ZNF180: variants seen among roughly 807,000 people sequenced by gnomAD.
The protein encoded by ZNF180 is zinc finger protein 180 (HHZ168).
Under a neutral mutation model 11.8 loss-of-function variants are expected in ZNF180, and 11 were observed. The observed-to-expected ratio is 0.93, with a 90% CI of 0.59 to 1.55. The LOEUF (loss-of-function observed/expected upper bound fraction) is 1.55. Among genes scored for constraint, ZNF180 ranks in the 40% most tolerant of loss-of-function variants. The probability of loss-of-function intolerance (pLI) is 0.00; values close to 1 mark genes in which losing one functional copy is unlikely to be tolerated. For synonymous variants in ZNF180, 287 were observed against 257.7 expected (o/e 1.11, Z -1.09); for missense variants, 773 against 781.7 (o/e 0.99, Z 0.13).
rs780167417 is a variant in ZNF180 at position 44,500,229 on chromosome 19, G to A, written c.-44+46C>T. 2.4e-5 allele frequency: 39 copies of A among 1,614,048 alleles called. 1 individual carries two copies. In the South Asian group the frequency reaches 4.3e-4, roughly 18 times the overall value. Reference sequence around the variant, plus strand: ...TTCCAGCTTCCCGCGTAGACCCTGCGCATGCGCGCATCGGACACCAAGCGC... The same window carrying A: ...TTCCAGCTTCCCGCGTAGACCCTGCACATGCGCGCATCGGACACCAAGCGC... On this transcript the variant is annotated intron_variant, in intron 1 of 4. Coordinates refer to ENST00000592529, the MANE Select transcript of ZNF180 (RefSeq NM_001278509.3).
intron 1 of ZNF180, among the ~76,000 whole-genome samples, chr19:44,499,215 A>C (rs892596): frequency 0.58 from 88,920 of 152,072 alleles, 26,746 homozygotes; most frequent in Middle Eastern, 0.8. Context: ...ACAGCAGCTC[A>C]ATGGGAACTG....
In ZNF180 at chr19:44,476,845, C is replaced by G. The variant is rs769941830; in HGVS notation, c.1555G>C (p.Glu519Gln). The change falls in exon 5 of 5, where the codon GAG (glutamate) becomes CAG (glutamine). Residue 519 changes from glutamate (E) to glutamine (Q), a missense_variant. Glu to Gln is a conservative substitution (Grantham distance 29). Transcript: ENST00000592529. ...LVAHQRTHTG[E>Q]KPYECSECGK... Reference sequence around the variant, plus strand: ...CATTCACTACATTCATACGGTTTCTCTCCAGTGTGAGTTCTTTGATGTGCA... The same window carrying G: ...CATTCACTACATTCATACGGTTTCTGTCCAGTGTGAGTTCTTTGATGTGCA... 1 of 1,614,196 alleles carries G rather than the reference C, an allele frequency of 6.2e-7. No homozygotes were observed. Among genetic ancestry groups the G allele is most frequent in the East Asian group, 2.2e-5 (1 of 44,884 alleles).
intron 1 of ZNF180, among the ~76,000 whole-genome samples, chr19:44,498,570 G>C (rs149904227): frequency 2.4e-4 from 37 of 152,234 alleles, no homozygotes; most frequent in Middle Eastern, 3.4e-3. Context: ...CCATCAGGCT[G>C]TGATCAGGGT....
At chr19:44,483,677 C>G (rs1178691742) in intron 3 of ZNF180, among the ~76,000 whole-genome samples, 1 of 140,114 alleles carries the variant, frequency 7.1e-6, no homozygotes, top group Admixed American at 7.2e-5. Context: ...ATAATTCCCT[C>G]AACCTCACTG....
At chr19:44,482,001 T>G (rs1970093554) in intron 3 of ZNF180, among the ~76,000 whole-genome samples, 3 of 152,174 alleles carry the variant, frequency 2.0e-5, no homozygotes, top group Admixed American at 2.0e-4. Context: ...CCCTTGAAAC[T>G]CATCTTTTGT....
chr19:44,476,877 T>C lies in ZNF180; in HGVS notation c.1523A>G (p.Gln508Arg). The change falls in exon 5 of 5, where the codon CAG (glutamine) becomes CGG (arginine). Residue 508 changes from glutamine (Q) to arginine (R), a missense_variant. Coordinates refer to ENST00000592529, the MANE Select transcript of ZNF180 (RefSeq NM_001278509.3). ...GTGAGTTCTTTGATGTGCAACAAGC[T>C]GAGAGCTCCAGCTGAAGGATTTCCC... ...QCGKSFSWSSQLVAHQRTHTG... is the reference protein window; with the variant it reads ...QCGKSFSWSSRLVAHQRTHTG... 2 of 1,614,038 alleles carry C rather than the reference T, an allele frequency of 1.2e-6. No homozygotes were observed.
chr19:44,484,914 A>G, intron 2 of ZNF180: 1 of 156,356 alleles, frequency 6.4e-6, no homozygotes, highest in Non-Finnish European at 1.4e-5. Flanking sequence ...TAATCCCAAT[A>G]CTTTGGAAGG....
intron 2 of ZNF180, among the ~76,000 whole-genome samples, chr19:44,492,536 T>C (rs1404820613): frequency 1.3e-5 from 2 of 152,094 alleles, no homozygotes; most frequent in African/African-American, 4.8e-5. Context: ...CTGTAATGTA[T>C]GTGGGACCCC....
intron 1 of ZNF180, 177 bp downstream of exon 1, chr19:44,500,098 A>T: frequency 6.4e-7 from 1 of 1,552,272 alleles, no homozygotes; most frequent in Non-Finnish European, 8.9e-7. Context: ...CGCAGAGGAC[A>T]GTCGCGGAAT....
rs1969979310 is a variant in ZNF180, at chr19:44,478,050, C to G, written c.350G>C (p.Arg117Thr). The change falls in exon 5 of 5, where the codon AGG becomes ACG. Residue 117 changes from arginine to threonine, a missense_variant. Transcript: ENST00000592529. The stretch of plus-strand genomic sequence containing the variant: ...ACATGAAGATAACCAAGGATCATCC[C>G]TTGTAAACCTTTCTATCTTCACTCC... ...ANGVKIERFT[R>T]DDPWLSSCEE... 7 of 1,613,818 alleles carry G rather than the reference C, an allele frequency of 4.3e-6. No individual in the cohort carries two copies. Among genetic ancestry groups the G allele is most frequent in the Non-Finnish European group, 5.9e-6 (7 of 1,179,804 alleles).
intron 3 of ZNF180, among the ~76,000 whole-genome samples, chr19:44,480,977 TTC>T (rs1568426350): frequency 6.6e-6 from 1 of 152,182 alleles, no homozygotes. Context: ...CAAATAACAG[TTC>T]TGTTTCTATC....
chr19:44,476,801 G>A lies in ZNF180; in HGVS notation c.1599C>T (p.Arg533=), dbSNP rs144345611. Residue 533 remains arginine (R), a synonymous_variant, in exon 5 of 5, where the codon CGC becomes CGT. Transcript: ENST00000592529. ...ECSECGKSFN[R]SSHLVMHQRI... is the part of the protein sequence containing the mutation. ...TCTGATGCATAACAAGGTGAGAACT[G>A]CGGTTAAAAGATTTTCCACATTCAC... The A allele has an allele frequency of 3.7e-6, 6 of 1,613,266 alleles. No homozygotes were observed. Among genetic ancestry groups the A allele is most frequent in the Non-Finnish European group, 5.1e-6 (6 of 1,179,804 alleles).
In ZNF180 at chr19:44,475,720, T is replaced by C. The variant is rs895178869; in HGVS notation, c.*682A>G. ...ACATTCCAAAAAGGAAGGCCCAACA[T>C]AAACTGAGAAATTGAATAGATACAT... is the stretch of plus-strand genomic sequence containing the variant. On this transcript the variant is annotated 3_prime_UTR_variant, in exon 5 of 5. Coordinates refer to ENST00000592529, the MANE Select transcript of ZNF180 (RefSeq NM_001278509.3). 1 of 152,242 alleles carries C rather than the reference T, an allele frequency of 6.6e-6. No individual in the cohort carries two copies. Among genetic ancestry groups the C allele is most frequent in the Non-Finnish European group, 1.5e-5 (1 of 68,048 alleles). 9.4% of individuals were successfully genotyped at this position (152,242 alleles called of 1,614,324 possible).
rs1340937193 is a variant in ZNF180, at chr19:44,475,765, T to C, written c.*637A>G. The stretch of plus-strand genomic sequence containing the variant: ...ATACATCCATAATCCCTTTCTATTC[T>C]AATCCATACACAAATATTTTATCAT... On this transcript the variant is annotated 3_prime_UTR_variant, in exon 5 of 5. Transcript: ENST00000592529. The C allele has an allele frequency of 1.3e-5, 2 of 152,288 alleles. No individual in the cohort carries two copies. Among genetic ancestry groups the C allele is most frequent in the African/African-American group, 4.8e-5 (2 of 41,466 alleles). The allele number at this position is 152,288 out of a possible 1,614,324, so 9.4% of individuals were successfully genotyped here.
intron 2 of ZNF180, among the ~76,000 whole-genome samples, chr19:44,494,272 T>G (rs759693743): frequency 8.5e-5 from 13 of 152,172 alleles, no homozygotes; most frequent in Non-Finnish European, 1.8e-4. Flanking sequence ...AACAGACTTC[T>G]AATTCAGCTC....
rs1455774432 is a variant in ZNF180 at position 44,476,664 on chromosome 19, T to C, written c.1736A>G (p.Glu579Gly). 6.2e-7 allele frequency: 1 copy of C among 1,614,062 alleles called. No homozygotes were observed. The highest frequency in any genetic ancestry group is 8.5e-7 in the Non-Finnish European group (1 of 1,180,002). ...QRTHTGEKPY[E>G]CSQCGKSFRQ... is the part of the protein sequence containing the mutation. The stretch of plus-strand genomic sequence containing the variant: ...GAAGGACTTCCCACATTGACTGCAT[T>C]CATAGGGCTTTTCTCCAGTATGAGT... The change falls in exon 5 of 5, where the codon GAA (glutamate) becomes GGA (glycine). Residue 579 changes from glutamate (E) to glycine (G), a missense_variant. By Grantham distance (98) the Glu-to-Gly change is moderately conservative. Coordinates refer to ENST00000592529, the MANE Select transcript of ZNF180 (RefSeq NM_001278509.3).
At chr19:44,500,237 G>T in intron 1 of ZNF180, 38 bp downstream of exon 1, 3 of 1,613,966 alleles carry the variant, frequency 1.9e-6, no homozygotes, top group South Asian at 2.2e-5. Flanking sequence ...GCGCATGCGC[G>T]CATCGGACAC....
Position 44,500,407 on chromosome 19 carries a change from G to A in ZNF180, c.-176C>T. 1 of 775,814 alleles carries A rather than the reference G, an allele frequency of 1.3e-6. No homozygotes were observed. 48.1% of individuals were successfully genotyped at this position (775,814 alleles called of 1,614,324 possible). On this transcript the variant is annotated 5_prime_UTR_variant, in exon 1 of 5. Coordinates refer to ENST00000592529, the MANE Select transcript of ZNF180 (RefSeq NM_001278509.3). ...CTGCAACACGGCCGACTCGGGTTAA[G>A]CTAGTTCGGTCCCCTCTCCTAGTCA...
intron 2 of ZNF180, among the ~76,000 whole-genome samples, chr19:44,491,164 T>C (rs1970440886): frequency 6.6e-6 from 1 of 152,250 alleles, no homozygotes. Context: ...ATGTGCTACC[T>C]GTAACTTTGC....
Sources: allele counts gnomAD v4.1 joint callset (sites outside exome capture counted in the v4.1 genomes callset), GRCh38; gene constraint gnomAD v4.1.1; transcripts MANE v1.5; gene names NCBI Gene and HGNC (gene_info 2026-07-23, HGNC 2026-07-21).